The following KCNQ3 variants were observed in gnomAD, a reference collection of about 807,000 sequenced individuals.
The protein encoded by KCNQ3 is potassium voltage-gated channel subfamily Q member 3.
In KCNQ3, 30 loss-of-function variants were observed where a neutral mutation model predicts 92.5. That is an observed-to-expected ratio of 0.32 (90% CI 0.24 to 0.44). The LOEUF (loss-of-function observed/expected upper bound fraction) is 0.44, where lower values mean the gene tolerates loss of function less well. Ranked by LOEUF, KCNQ3 falls within the 20% of genes least tolerant of loss-of-function variation. KCNQ3 has a pLI of 1.00. For synonymous variants in KCNQ3, 450 were observed against 468.8 expected (o/e 0.96, Z 0.52); for missense variants, 913 against 1,140.3 (o/e 0.80, Z 2.87).
chr8:132,372,771 A>C (rs1819508956), intron 1 of KCNQ3, among the ~76,000 whole-genome samples: 1 of 149,280 alleles, frequency 6.7e-6, no homozygotes. Flanking sequence ...AAAAAAAAAA[A>C]ACAAAAAAAA....
chr8:132,327,077 C>T (rs1818077851), intron 1 of KCNQ3, among the ~76,000 whole-genome samples: 1 of 152,124 alleles, frequency 6.6e-6, no homozygotes, highest in Non-Finnish European at 1.5e-5. Context: ...ATTGCTATAC[C>T]CTCGAGCCTA....
chr8:132,178,425 G>A (rs1826640235), intron 4 of KCNQ3, among the ~76,000 whole-genome samples: 1 of 152,194 alleles, frequency 6.6e-6, no homozygotes, highest in Non-Finnish European at 1.5e-5. Context: ...ATGCTTATGT[G>A]TATGGTATGT....
intron 1 of KCNQ3, among the ~76,000 whole-genome samples, chr8:132,263,489 C>T (rs555523239): frequency 2.6e-5 from 4 of 152,308 alleles, no homozygotes; most frequent in African/African-American, 9.6e-5. Context: ...CTAAGGTTGC[C>T]TCCTGAGGCT....
chr8:132,225,549 C>T (rs1814384215), intron 1 of KCNQ3, among the ~76,000 whole-genome samples: 1 of 152,180 alleles, frequency 6.6e-6, no homozygotes, highest in African/African-American at 2.4e-5. Flanking sequence ...ATATATGCTA[C>T]CAAGAGGGTG....
intron 1 of KCNQ3, among the ~76,000 whole-genome samples, chr8:132,228,921 G>A (rs1387939300): frequency 6.6e-6 from 1 of 152,130 alleles, no homozygotes; most frequent in African/African-American, 2.4e-5. Context: ...TTTGACACAG[G>A]GAGAGAGGGA....
intron 1 of KCNQ3, among the ~76,000 whole-genome samples, chr8:132,306,017 G>A (rs10108720): frequency 0.29 from 43,504 of 151,898 alleles, 7,245 homozygotes; most frequent in African/African-American, 0.45. Context: ...TTAGACACAC[G>A]CATGACAGGC....
chr8:132,398,310 C>T (rs1820247087), intron 1 of KCNQ3, among the ~76,000 whole-genome samples: 1 of 152,064 alleles, frequency 6.6e-6, no homozygotes, highest in Non-Finnish European at 1.5e-5. Flanking sequence ...ATAGTCTCTT[C>T]AAATTTTTGA....
At chr8:132,218,126 G>T (rs562190347) in intron 1 of KCNQ3, among the ~76,000 whole-genome samples, 1 of 152,268 alleles carries the variant, frequency 6.6e-6, no homozygotes, top group South Asian at 2.1e-4. Context: ...CATGGTCCTT[G>T]CCTGTACCCC....
At chr8:132,223,705 G>C (rs1451629893) in intron 1 of KCNQ3, among the ~76,000 whole-genome samples, 1 of 152,072 alleles carries the variant, frequency 6.6e-6, no homozygotes, top group Admixed American at 6.6e-5. Context: ...CGTGGAGTAT[G>C]GTTGGATTAA....
At chr8:132,303,624 ATATATATG>A (rs1563849817) in intron 1 of KCNQ3, among the ~76,000 whole-genome samples, 2 of 55,746 alleles carry the variant, frequency 3.6e-5, no homozygotes, top group Non-Finnish European at 5.8e-5. Context: ...ATATATATAT[ATATATATG>A]GTGTATATAT....
chr8:132,384,242 T>C (rs1473558396), intron 1 of KCNQ3, among the ~76,000 whole-genome samples: 1 of 152,216 alleles, frequency 6.6e-6, no homozygotes, highest in Non-Finnish European at 1.5e-5. Context: ...GCTATAGCTC[T>C]TATTTTTGTG....
At chr8:132,345,532 T>A (rs746544797) in intron 1 of KCNQ3, among the ~76,000 whole-genome samples, 1 of 152,232 alleles carries the variant, frequency 6.6e-6, no homozygotes, top group Non-Finnish European at 1.5e-5. Context: ...AGTACAGTTG[T>A]AATAAACAGT....
chr8:132,191,528 A>C (rs1037931819), intron 1 of KCNQ3, among the ~76,000 whole-genome samples: 2 of 150,360 alleles, frequency 1.3e-5, no homozygotes, highest in African/African-American at 4.9e-5. Context: ...CTCTCTATAT[A>C]TATATATAAT....
chr8:132,327,933 G>A (rs1818107429), intron 1 of KCNQ3, among the ~76,000 whole-genome samples: 1 of 152,036 alleles, frequency 6.6e-6, no homozygotes, highest in Non-Finnish European at 1.5e-5. Flanking sequence ...GAAATTAGGG[G>A]CAGGCCTCTC....
intron 1 of KCNQ3, among the ~76,000 whole-genome samples, chr8:132,312,520 TC>T (rs1052685967): frequency 1.3e-5 from 2 of 152,126 alleles, no homozygotes; most frequent in Non-Finnish European, 2.9e-5. Context: ...TTTCATGTGC[TC>T]CACCACTGGA....
At chr8:132,176,068 T>G (rs1309893429) in intron 4 of KCNQ3, among the ~76,000 whole-genome samples, 1 of 152,052 alleles carries the variant, frequency 6.6e-6, no homozygotes, top group Non-Finnish European at 1.5e-5. Context: ...TTGGGCAAAT[T>G]CTCCTCTTCT....
intron 3 of KCNQ3, among the ~76,000 whole-genome samples, chr8:132,183,146 C>G (rs1826846253): frequency 6.6e-6 from 1 of 152,094 alleles, no homozygotes; most frequent in Non-Finnish European, 1.5e-5. Flanking sequence ...AATGACTTTT[C>G]AAAAGTAAAG....
intron 1 of KCNQ3, among the ~76,000 whole-genome samples, chr8:132,203,653 T>C (rs912631143): frequency 2.0e-5 from 3 of 152,210 alleles, no homozygotes; most frequent in Admixed American, 2.0e-4. Context: ...TATTTATTGC[T>C]GTGTGACTCT....
chr8:132,299,744 T>C (rs1431482496), intron 1 of KCNQ3, among the ~76,000 whole-genome samples: 1 of 152,036 alleles, frequency 6.6e-6, no homozygotes, highest in Non-Finnish European at 1.5e-5. Flanking sequence ...CTTCAGCCTG[T>C]AGATCCCATT....
Sources: gnomAD v4.1 joint callset for allele counts (sites outside exome capture counted in the v4.1 genomes callset) on GRCh38, gnomAD v4.1.1 for gene constraint, MANE v1.5 for transcripts, NCBI Gene and HGNC (gene_info 2026-07-23, HGNC 2026-07-21) for gene names.